Variants in TCF25 observed in about 807,000 individuals in gnomAD.
TCF25 encodes the protein ribosome quality control complex subunit TCF25.
A neutral mutation model predicts 83.1 loss-of-function variants in TCF25; 41 were observed. That is an observed-to-expected ratio of 0.49 (90% CI 0.38 to 0.64). The LOEUF (loss-of-function observed/expected upper bound fraction) is 0.64. TCF25 is among the 30% of genes least tolerant of loss of function. TCF25 has a pLI of 0.00. For missense variants in TCF25, 979 were observed against 914.5 expected, an observed-to-expected ratio of 1.07 and a Z score of -0.91; for synonymous variants, 458 against 365.0, an observed-to-expected ratio of 1.25 and a Z score of -2.90.
At chr16:89,910,432 G>C (rs754359887) in intron 16 of TCF25, 159 bp from the exon 17 acceptor site, 3 of 687,648 alleles carry the variant, frequency 4.4e-6, no homozygotes, top group South Asian at 1.8e-5. Context: ...GGGCCACCCG[G>C]GGAATCCAGG....
chr16:89,894,827 T>TA, intron 7 of TCF25: 2 of 435,018 alleles, frequency 4.6e-6, no homozygotes, highest in Non-Finnish European at 4.2e-6. Context: ...GTATTTTTAT[T>TA]AGAGACCAGG....
At chr16:89,875,820 CTTT>C (rs1164528945) in intron 1 of TCF25, among the ~76,000 whole-genome samples, 9 of 64,862 alleles carry the variant, frequency 1.4e-4, no homozygotes, top group Admixed American at 1.8e-4. Flanking sequence ...CTGCGCCTGG[CTTT>C]TTTTTTTTTT....
chr16:89,905,682 G>C lies in TCF25; in HGVS notation c.1629-512G>C, dbSNP rs77859222. Among the ~76,000 whole-genome samples the C allele has an allele frequency of 2.1e-4, 32 of 152,342 alleles. 1 individual carries two copies. The East Asian group carries it at 2.7e-3, about 13-fold the overall frequency. On this transcript the variant is annotated intron_variant, in intron 14 of 17. Coordinates refer to ENST00000263346, the MANE Select transcript of TCF25 (RefSeq NM_014972.3). ...TGTGCCGCGGACATGAGGTGTGCCC[G>C]GGGGTGCCCAAGAGGCGCTGGTGCC...
intron 16 of TCF25, chr16:89,908,931 G>A: frequency 7.8e-7 from 1 of 1,288,248 alleles, no homozygotes; most frequent in Non-Finnish European, 1.0e-6. Context: ...GCTGAGAGAT[G>A]GGGCTCAGGG....
chr16:89,903,814 CAAAA>C (rs112379009), intron 12 of TCF25, among the ~76,000 whole-genome samples: 7 of 150,624 alleles, frequency 4.6e-5, no homozygotes, highest in African/African-American at 1.5e-4. Flanking sequence ...CTCAGAAAAA[CAAAA>C]AAAAACCCAA....
At chr16:89,886,195 A>C (rs1007459408) in intron 4 of TCF25, 2 of 493,512 alleles carry the variant, frequency 4.1e-6, no homozygotes, top group African/African-American at 3.9e-5. Flanking sequence ...TGGGAGGCCA[A>C]GGCAGGCGGA....
chr16:89,902,799 G>A (rs2044453768), intron 12 of TCF25, among the ~76,000 whole-genome samples: 1 of 152,150 alleles, frequency 6.6e-6, no homozygotes, highest in East Asian at 1.9e-4. Context: ...AGGGGTGAGG[G>A]TTATTTGCGT....
chr16:89,911,353 G>GT lies in TCF25; in HGVS notation c.*118dup, dbSNP rs1326422294. 11 of 1,373,076 alleles carry GT rather than the reference G, an allele frequency of 8.0e-6. No individual in the cohort carries two copies. In the Admixed American group the frequency reaches 1.5e-4, roughly 19 times the overall value. The allele number at this position is 1,373,076 out of a possible 1,614,324, so 85.1% of individuals were successfully genotyped here. On this transcript the variant is annotated 3_prime_UTR_variant, in exon 18 of 18. Coordinates refer to ENST00000263346, the MANE Select transcript of TCF25 (RefSeq NM_014972.3). ...TGAGTGTGTCGCTCCCTGGTCCACT[G>GT]TTTCTCCTATAAATGTAAATGGGTC...
intron 7 of TCF25, 168 bp downstream of exon 7, chr16:89,894,026 G>A: frequency 1.0e-6 from 1 of 982,464 alleles, no homozygotes; most frequent in Non-Finnish European, 1.5e-6. Context: ...AGAAGGAGAT[G>A]TGTTCGGAGG....
chr16:89,904,658 G>A (rs955515146), intron 13 of TCF25: 8 of 563,702 alleles, frequency 1.4e-5, no homozygotes, highest in Middle Eastern at 2.7e-4. Flanking sequence ...TCCAGGGCTC[G>A]CCCTGTGTGC....
rs755292083 is a variant in TCF25, at chr16:89,904,178, G to A, written c.1442G>A (p.Arg481His). The change falls in exon 13 of 18, where the codon CGC (arginine) becomes CAC (histidine). Residue 481 changes from arginine (R) to histidine (H), a missense_variant. Arg to His is a conservative substitution (Grantham distance 29). Transcript: ENST00000263346. ...VRPDASVSSH[R>H]FFGPNAEISQ... The stretch of plus-strand genomic sequence containing the variant: ...CCCGACGCCAGCGTTTCCAGTCACC[G>A]CTTCTTTGGACCCAATGCTGAAATA... 1.2e-5 allele frequency: 19 copies of A among 1,594,670 alleles called. No homozygotes were observed. In the African/African-American group the frequency reaches 1.6e-4, roughly 14 times the overall value.
intron 16 of TCF25, 37 bp downstream of exon 16, chr16:89,907,359 CA>C: frequency 6.8e-7 from 1 of 1,478,978 alleles, no homozygotes; most frequent in Admixed American, 1.7e-5. Flanking sequence ...TCCCAGCTCC[CA>C]CCTCCCTCCT....
rs1164528945 is a variant in TCF25 at position 89,875,820 on chromosome 16, CTTTTTTTTTTT to C, written c.192+1979_192+1989del. On this transcript the variant is annotated intron_variant, in intron 1 of 17. Transcript: ENST00000263346. ...TACAGGCGTGAGCCACTGCGCCTGG[CTTTTTTTTTTT>C]TTTTTTTTTTTTTTTTTGGTTACAG... Among the ~76,000 whole-genome samples the C allele has an allele frequency of 3.9e-3, 254 of 64,858 alleles. 3 individuals carry two copies. Among genetic ancestry groups the C allele is most frequent in the East Asian group, 0.03 (81 of 2,728 alleles). 42.5% of individuals were successfully genotyped at this position (64,858 alleles called of 152,430 possible). A position where few individuals can be genotyped will look rare whatever the true frequency, so the allele number is the denominator to read the frequency against.
chr16:89,901,262 G>A (rs560509133), intron 12 of TCF25, among the ~76,000 whole-genome samples: 4 of 152,382 alleles, frequency 2.6e-5, no homozygotes, highest in East Asian at 1.9e-4. Flanking sequence ...TTCGATCCAC[G>A]CACATGTGGC....
In TCF25 at chr16:89,885,934, C is replaced by G; in HGVS notation, c.516C>G (p.Ser172Arg). ...GLNRPGPAPL[S>R]SRKHVLYVEH... ...ACCGTCCCGGCCCAGCTCCCCTGAGCTCCAGGAAGCACGTTCTCTACGTGG... is the reference window on the plus strand; with the variant it reads ...ACCGTCCCGGCCCAGCTCCCCTGAGGTCCAGGAAGCACGTTCTCTACGTGG... Residue 172 changes from serine (S) to arginine (R), a missense_variant, in exon 4 of 18, where the codon AGC (serine) becomes AGG (arginine). Coordinates refer to ENST00000263346, the MANE Select transcript of TCF25 (RefSeq NM_014972.3). 3 of 1,569,774 alleles carry G rather than the reference C, an allele frequency of 1.9e-6. No homozygotes were observed. Among genetic ancestry groups the G allele is most frequent in the Non-Finnish European group, 1.7e-6 (2 of 1,158,174 alleles).
At chr16:89,903,824 C>A (rs1296611584) in intron 12 of TCF25, among the ~76,000 whole-genome samples, 8 of 151,942 alleles carry the variant, frequency 5.3e-5, no homozygotes, top group Non-Finnish European at 1.0e-4. Flanking sequence ...CAAAAAAAAA[C>A]CCAACCCCAT....
At chr16:89,879,176 C>G (rs12924847) in intron 1 of TCF25, among the ~76,000 whole-genome samples, 1 of 125,062 alleles carries the variant, frequency 8.0e-6, no homozygotes, top group South Asian at 2.8e-4. Context: ...CAGACGGGCT[C>G]CTGGGCCTAT....
intron 1 of TCF25, among the ~76,000 whole-genome samples, chr16:89,874,296 T>A (rs2041991788): frequency 7.8e-6 from 1 of 127,844 alleles, no homozygotes; most frequent in South Asian, 2.4e-4. Context: ...GCCGTGACGC[T>A]AAAGGGCGTG....
chr16:89,898,039 G>A (rs1040332708), intron 9 of TCF25, among the ~76,000 whole-genome samples: 1 of 151,792 alleles, frequency 6.6e-6, no homozygotes, highest in Non-Finnish European at 1.5e-5. Flanking sequence ...AGGAGGCGGA[G>A]CTTGCAATGA....
Sources: gnomAD v4.1 joint callset for allele counts (sites outside exome capture counted in the v4.1 genomes callset) on GRCh38, gnomAD v4.1.1 for gene constraint, MANE v1.5 for transcripts, NCBI Gene and HGNC (gene_info 2026-07-23, HGNC 2026-07-21) for gene names.